The following COL28A1 variants were observed in gnomAD, a reference collection of about 807,000 sequenced individuals.
COL28A1 encodes collagen alpha-1(XXVIII) chain.
A neutral mutation model predicts 150.2 loss-of-function variants in COL28A1; 161 were observed. The ratio of observed to expected loss-of-function variants is 1.07; its 90% confidence interval spans 0.94 to 1.22. COL28A1 has a LOEUF of 1.22. COL28A1 is among the 50% of genes most tolerant of loss of function. The pLI is 0.00. For synonymous variants in COL28A1, 552 were observed against 469.7 expected (o/e 1.18, Z -2.26); for missense variants, 1,617 against 1,388.3 (o/e 1.16, Z -2.62).
At chr7:7,437,356 G>T (rs746537101) in intron 22 of COL28A1, 38 bp downstream of exon 22, 2 of 1,576,282 alleles carry the variant, frequency 1.3e-6, no homozygotes, top group South Asian at 2.4e-5. Flanking sequence ...AACTGCCAAA[G>T]GGTCAAGAAA....
the COL28A1 span, among the ~76,000 whole-genome samples, chr7:7,542,139 G>A: frequency 1.4e-4 from 22 of 152,174 alleles, no homozygotes; most frequent in African/African-American, 4.8e-4. Flanking sequence ...CACAAGGTCA[G>A]GAGATCAAGG....
At chr7:7,517,978 C>T in intron 6 of COL28A1, 141 bp from the exon 7 acceptor site, 2 of 706,096 alleles carry the variant, frequency 2.8e-6, no homozygotes, top group South Asian at 2.1e-5. Flanking sequence ...TTTCACTATG[C>T]AATCTAGGCA....
intron 13 of COL28A1, among the ~76,000 whole-genome samples, chr7:7,480,007 A>G (rs1448449182): frequency 6.6e-6 from 1 of 152,226 alleles, no homozygotes; most frequent in Non-Finnish European, 1.5e-5. Context: ...AAATAAACCT[A>G]TGATGGAACA....
intron 33 of COL28A1, among the ~76,000 whole-genome samples, chr7:7,363,752 C>G (rs1780793078): frequency 6.6e-6 from 1 of 151,892 alleles, no homozygotes; most frequent in Non-Finnish European, 1.5e-5. Context: ...AAAAAATATA[C>G]TATATTATGA....
chr7:7,354,713 C>T (rs769127407), downstream of COL28A1, among the ~76,000 whole-genome samples: 2 of 152,164 alleles, frequency 1.3e-5, no homozygotes, highest in Non-Finnish European at 2.9e-5. Context: ...TGGGACACTT[C>T]CATAACTTCT....
At chr7:7,522,240 A>C (rs1781767081) in intron 4 of COL28A1, among the ~76,000 whole-genome samples, 1 of 152,200 alleles carries the variant, frequency 6.6e-6, no homozygotes, top group African/African-American at 2.4e-5. Flanking sequence ...ATAGTTAAAT[A>C]AAAGACATCC....
chr7:7,454,277 G>T (rs2128332163), intron 16 of COL28A1, among the ~76,000 whole-genome samples: 1 of 152,164 alleles, frequency 6.6e-6, no homozygotes, highest in African/African-American at 2.4e-5. Context: ...TTTTATGAGA[G>T]AAATAGGAAG....
intron 18 of COL28A1, among the ~76,000 whole-genome samples, chr7:7,445,602 C>T (rs942371685): frequency 3.9e-5 from 6 of 152,208 alleles, no homozygotes; most frequent in African/African-American, 4.8e-5. Flanking sequence ...CACTTGCTTT[C>T]GAGTTAATTT....
At chr7:7,411,684 C>A (rs1456471477) in intron 27 of COL28A1, among the ~76,000 whole-genome samples, 1 of 152,168 alleles carries the variant, frequency 6.6e-6, no homozygotes. Context: ...ACCAAAAACC[C>A]CAAGCCCCCT....
intron 20 of COL28A1, among the ~76,000 whole-genome samples, chr7:7,441,179 T>G (rs1583380301): frequency 6.6e-6 from 1 of 152,250 alleles, no homozygotes; most frequent in Non-Finnish European, 1.5e-5. Context: ...TTCTGAGACA[T>G]TCACAGTTTC....
At chr7:7,542,659 T>G in the COL28A1 span, among the ~76,000 whole-genome samples, 1 of 152,262 alleles carries the variant, frequency 6.6e-6, no homozygotes, top group East Asian at 1.9e-4. Context: ...GTTAAAGGGT[T>G]TAAACTTTAT....
rs1251304812 is a variant in COL28A1 at position 7,358,262 on chromosome 7, G to C, written c.*371C>G. The C allele has an allele frequency of 6.3e-6, 1 of 158,010 alleles. No individual in the cohort carries two copies. The highest frequency in any genetic ancestry group is 2.4e-5 in the African/African-American group (1 of 41,590). The allele number at this position is 158,010 out of a possible 1,614,324, so 9.8% of individuals were successfully genotyped here. A position where few individuals can be genotyped will look rare whatever the true frequency, so the allele number is the denominator to read the frequency against. The stretch of plus-strand genomic sequence containing the variant: ...GTGAGTGGGTGGAGGTATGGGCAGG[G>C]ACAGGGGTAGGGGTTTGAGCTGACA... On this transcript the variant is annotated 3_prime_UTR_variant, in exon 35 of 35. Coordinates refer to ENST00000399429, the MANE Select transcript of COL28A1 (RefSeq NM_001037763.3).
At chr7:7,539,045 T>C (rs1782740038), upstream of COL28A1, among the ~76,000 whole-genome samples, 1 of 152,038 alleles carries the variant, frequency 6.6e-6, no homozygotes, top group African/African-American at 2.4e-5. Context: ...GCCCCAAAGC[T>C]CTGAAATTTC....
At chr7:7,397,235 T>A (rs551390844) in intron 27 of COL28A1, among the ~76,000 whole-genome samples, 1 of 152,246 alleles carries the variant, frequency 6.6e-6, no homozygotes, top group East Asian at 1.9e-4. Flanking sequence ...CCACCTGTAT[T>A]CAACAGTTTT....
chr7:7,409,631 A>G (rs1446531598), intron 27 of COL28A1, among the ~76,000 whole-genome samples: 1 of 152,194 alleles, frequency 6.6e-6, no homozygotes, highest in Non-Finnish European at 1.5e-5. Context: ...GAATCAGCAC[A>G]TGGTACTGAA....
At chr7:7,408,825 C>T (rs960088338) in intron 27 of COL28A1, among the ~76,000 whole-genome samples, 7 of 152,132 alleles carry the variant, frequency 4.6e-5, no homozygotes, top group Non-Finnish European at 7.4e-5. Flanking sequence ...CCTCACATCT[C>T]CATGTGTCAA....
chr7:7,367,900 C>G (rs1781019263), intron 33 of COL28A1, among the ~76,000 whole-genome samples: 1 of 151,902 alleles, frequency 6.6e-6, no homozygotes, highest in African/African-American at 2.4e-5. Flanking sequence ...TGCTAGAAAC[C>G]TGACAGTCCT....
chr7:7,542,633 G>C, the COL28A1 span, among the ~76,000 whole-genome samples: 2 of 152,200 alleles, frequency 1.3e-5, no homozygotes, highest in Non-Finnish European at 2.9e-5. Context: ...ATAAACAGTG[G>C]TTTCTTTTAT....
intron 22 of COL28A1, among the ~76,000 whole-genome samples, 193 bp downstream of exon 22, chr7:7,437,201 G>A (rs1265409131): frequency 6.6e-6 from 1 of 152,160 alleles, no homozygotes; most frequent in African/African-American, 2.4e-5. Flanking sequence ...TTGGGACCAA[G>A]AGCACAAAAT....
Sources: allele counts gnomAD v4.1 joint callset (sites outside exome capture counted in the v4.1 genomes callset), GRCh38; gene constraint gnomAD v4.1.1; transcripts MANE v1.5; gene names NCBI Gene and HGNC (gene_info 2026-07-23, HGNC 2026-07-21).